Variants in CNTNAP4 observed in about 807,000 individuals in gnomAD.
CNTNAP4 encodes contactin associated protein family member 4.
A neutral mutation model predicts 148.4 loss-of-function variants in CNTNAP4; 98 were observed. That is an observed-to-expected ratio of 0.66 (90% confidence interval 0.56 to 0.78). The LOEUF (loss-of-function observed/expected upper bound fraction) is 0.78. Among genes scored for constraint, CNTNAP4 ranks in the 30% least tolerant of loss-of-function variants. The probability of loss-of-function intolerance (pLI) is 0.00; values close to 1 mark genes in which losing one functional copy is unlikely to be tolerated. For missense variants in CNTNAP4, 1,935 were observed against 1,565.6 expected, an observed-to-expected ratio of 1.24 and a Z score of -3.98; for synonymous variants, 730 against 565.1, an observed-to-expected ratio of 1.29 and a Z score of -4.14.
intron 1 of CNTNAP4, chr16:76,287,792 C>T (rs556416798): frequency 3.3e-4 from 51 of 152,284 alleles, no homozygotes; most frequent in African/African-American, 1.2e-3. Flanking sequence ...ACCTACTACA[C>T]ATATTATTGT....
intron 16 of CNTNAP4, 88 bp downstream of exon 16, chr16:76,521,398 C>T (rs2083447943): frequency 9.7e-7 from 1 of 1,029,410 alleles, no homozygotes; most frequent in Non-Finnish European, 1.4e-6. Flanking sequence ...CATGTGTCTA[C>T]TTTATCATCT....
chr16:76,512,412 A>G (rs143123502), intron 15 of CNTNAP4, among the ~76,000 whole-genome samples: 1 of 152,252 alleles, frequency 6.6e-6, no homozygotes, highest in Non-Finnish European at 1.5e-5. Context: ...TGGTGTGGGT[A>G]GAGTTGAAAG....
rs138954089 is a variant in CNTNAP4, at chr16:76,456,344, A to G, written c.1333+3575A>G. On this transcript the variant is annotated intron_variant, in intron 8 of 23. Transcript: ENST00000611870. The stretch of plus-strand genomic sequence containing the variant: ...TAAATGCTGTCACGAAGTGAGGGTA[A>G]TTCTATGATTAAATATCTTTGTAAA... Among the ~76,000 whole-genome samples the G allele has an allele frequency of 4.2e-3, 645 of 152,348 alleles. 1 individual carries two copies. Among genetic ancestry groups the G allele is most frequent in the African/African-American group, 0.015 (605 of 41,578 alleles).
intron 3 of CNTNAP4, among the ~76,000 whole-genome samples, chr16:76,381,250 C>G (rs2015936299): frequency 6.6e-6 from 1 of 152,112 alleles, no homozygotes; most frequent in Admixed American, 6.6e-5. Context: ...TCTTGCAGCT[C>G]TTGGAGACAT....
At chr16:76,285,927 C>G (rs1597078012) in intron 1 of CNTNAP4, among the ~76,000 whole-genome samples, 1 of 151,896 alleles carries the variant, frequency 6.6e-6, no homozygotes, top group African/African-American at 2.4e-5. Flanking sequence ...AAGCAATTGC[C>G]TTTGCTATAC....
Position 76,462,124 on chromosome 16 carries a change from C to A in CNTNAP4, c.1483+19C>A, listed in dbSNP as rs755954156. Reference sequence around the variant, plus strand: ...TTTGGAGGTAAGAATAGGTGCCAGGCTCTATGAGCAACTGAACCATATTTG... The same window carrying A: ...TTTGGAGGTAAGAATAGGTGCCAGGATCTATGAGCAACTGAACCATATTTG... On this transcript the variant is annotated intron_variant, in intron 9 of 23. Transcript: ENST00000611870. 1 of 1,604,308 alleles carries A rather than the reference C, an allele frequency of 6.2e-7. No individual in the cohort carries two copies. Among genetic ancestry groups the A allele is most frequent in the Non-Finnish European group, 8.5e-7 (1 of 1,173,792 alleles).
At chr16:76,475,110 G>C (rs111343143) in intron 10 of CNTNAP4, among the ~76,000 whole-genome samples, 2 of 152,022 alleles carry the variant, frequency 1.3e-5, no homozygotes, top group Admixed American at 1.3e-4. Context: ...CCAGGAGGCG[G>C]AGGTTGCAGT....
intron 2 of CNTNAP4, among the ~76,000 whole-genome samples, chr16:76,334,036 A>T (rs1250496601): frequency 6.6e-6 from 1 of 151,868 alleles, no homozygotes. Context: ...TCATGCAGCC[A>T]TAAAAAATGA....
intron 3 of CNTNAP4, among the ~76,000 whole-genome samples, chr16:76,419,230 T>C (rs192431538): frequency 1.3e-3 from 205 of 151,924 alleles, no homozygotes; most frequent in Non-Finnish European, 2.3e-3. Context: ...CTCCTGTTGC[T>C]TTTTTTTCCT....
chr16:76,354,339 G>C (rs1250917778), intron 2 of CNTNAP4, among the ~76,000 whole-genome samples: 1 of 152,164 alleles, frequency 6.6e-6, no homozygotes, highest in East Asian at 1.9e-4. Flanking sequence ...CAGTATTTTG[G>C]TGTGTGTTGG....
At chr16:76,463,871 A>T (rs1442101896) in intron 9 of CNTNAP4, among the ~76,000 whole-genome samples, 3 of 152,212 alleles carry the variant, frequency 2.0e-5, no homozygotes, top group Admixed American at 6.5e-5. Flanking sequence ...TATTGTAAGA[A>T]CTTCCACAGT....
At chr16:76,541,179 A>G (rs780115305) in intron 21 of CNTNAP4, among the ~76,000 whole-genome samples, 3 of 152,264 alleles carry the variant, frequency 2.0e-5, no homozygotes, top group Non-Finnish European at 4.4e-5. Flanking sequence ...AAAAAATGGA[A>G]GAAGAATGCA....
Position 76,540,709 on chromosome 16 carries a change from G to C in CNTNAP4, c.3361G>C (p.Asp1121His). Residue 1121 changes from aspartate (D) to histidine (H), a missense_variant, in exon 21 of 24, where the codon GAT becomes CAT. By Grantham distance (81) the Asp-to-His change is moderately conservative. Transcript: ENST00000611870. ...EEGVVFIEID[D>H]NRRRQVHLSS... ...TTGTGTAATAATTTTGTAGATTGAC[G>C]ATAATAGAAGGAGACAAGTTCACCT... 2.6e-6 allele frequency: 4 copies of C among 1,562,204 alleles called. No homozygotes were observed. The highest frequency in any genetic ancestry group is 3.5e-6 in the Non-Finnish European group (4 of 1,150,540).
At chr16:76,379,108 C>T (rs2015716414) in intron 3 of CNTNAP4, among the ~76,000 whole-genome samples, 2 of 152,130 alleles carry the variant, frequency 1.3e-5, no homozygotes. Context: ...CATGGGATGC[C>T]TTTTGCTCTG....
At chr16:76,390,887 C>A (rs1027156926) in intron 3 of CNTNAP4, among the ~76,000 whole-genome samples, 17 of 151,730 alleles carry the variant, frequency 1.1e-4, no homozygotes, top group Non-Finnish European at 2.1e-4. Context: ...TTTGTGGGTA[C>A]ATAATTGGTG....
chr16:76,362,755 G>A (rs951735611), intron 3 of CNTNAP4, among the ~76,000 whole-genome samples: 45 of 152,308 alleles, frequency 3.0e-4, no homozygotes, highest in African/African-American at 1.1e-3. Flanking sequence ...AATTGAGGGT[G>A]GAGGGTGGGA....
intron 3 of CNTNAP4, among the ~76,000 whole-genome samples, chr16:76,371,391 C>G (rs974561186): frequency 2.0e-5 from 3 of 152,104 alleles, no homozygotes; most frequent in African/African-American, 7.2e-5. Context: ...ATTCAAGCGA[C>G]TCTCCTGCCT....
chr16:76,298,544 T>G (rs1362755044), intron 1 of CNTNAP4, among the ~76,000 whole-genome samples: 1 of 147,116 alleles, frequency 6.8e-6, no homozygotes, highest in East Asian at 2.0e-4. Flanking sequence ...TAAGGGGCTG[T>G]GCTGAGAAGC....
chr16:76,524,333 A>T (rs2083618942), intron 17 of CNTNAP4, among the ~76,000 whole-genome samples: 2 of 152,190 alleles, frequency 1.3e-5, no homozygotes. Context: ...TGACAAAGCT[A>T]TTTCTTGAAT....
Sources: allele counts gnomAD v4.1 joint callset (sites outside exome capture counted in the v4.1 genomes callset), GRCh38; gene constraint gnomAD v4.1.1; transcripts MANE v1.5; gene names NCBI Gene and HGNC (gene_info 2026-07-23, HGNC 2026-07-21).